DPP10: variants seen among roughly 807,000 people sequenced by gnomAD.
DPP10 encodes inactive dipeptidyl peptidase 10.
A neutral mutation model predicts 120.9 loss-of-function variants in DPP10; 33 were observed. That is an observed-to-expected ratio of 0.27 (90% CI 0.21 to 0.37). The LOEUF is 0.37. Among genes scored for constraint, DPP10 ranks in the 10% least tolerant of loss-of-function variants. DPP10 has a pLI of 1.00. For synonymous variants in DPP10, 337 were observed against 326.1 expected (o/e 1.03, Z -0.36); for missense variants, 816 against 942.8 (o/e 0.87, Z 1.76).
chr2:115,658,487 T>G (rs2088605338), intron 5 of DPP10, among the ~76,000 whole-genome samples: 1 of 152,098 alleles, frequency 6.6e-6, no homozygotes, highest in Admixed American at 6.6e-5. Context: ...CTTGCTATAT[T>G]TTACTCATCA....
intron 5 of DPP10, among the ~76,000 whole-genome samples, chr2:115,585,563 CT>C (rs2082237762): frequency 6.6e-6 from 1 of 152,206 alleles, no homozygotes; most frequent in African/African-American, 2.4e-5. Flanking sequence ...TCTTCCTCCT[CT>C]TTCCCTTCCT....
intron 7 of DPP10, among the ~76,000 whole-genome samples, chr2:115,705,868 T>C (rs528725607): frequency 6.6e-6 from 1 of 151,868 alleles, no homozygotes; most frequent in African/African-American, 2.4e-5. Context: ...GTCTAATGGG[T>C]CTCAAATCAA....
chr2:115,236,197 A>C (rs2057999254), intron 1 of DPP10, among the ~76,000 whole-genome samples: 1 of 152,234 alleles, frequency 6.6e-6, no homozygotes, highest in Non-Finnish European at 1.5e-5. Context: ...AAGAAAACTT[A>C]GAGGTATTAT....
chr2:114,655,162 C>CT (rs1264156115), intron 1 of DPP10, among the ~76,000 whole-genome samples: 1 of 152,116 alleles, frequency 6.6e-6, no homozygotes, highest in Admixed American at 6.5e-5. Flanking sequence ...ATCATAAGCA[C>CT]TTAAATGTTG....
At chr2:114,455,648 T>C (rs1481091357) in intron 1 of DPP10, among the ~76,000 whole-genome samples, 1 of 152,076 alleles carries the variant, frequency 6.6e-6, no homozygotes, top group Non-Finnish European at 1.5e-5. Context: ...TTTGGAGAAG[T>C]TACTTTTTTC....
At chr2:115,380,506 A>C (rs181156588) in intron 3 of DPP10, among the ~76,000 whole-genome samples, 2,378 of 152,236 alleles carry the variant, frequency 0.016, 59 homozygotes, top group African/African-American at 0.054. Context: ...CTCTTTATCC[A>C]GTTTGCCAGT....
At chr2:114,882,755 C>T (rs1558840486) in intron 1 of DPP10, among the ~76,000 whole-genome samples, 1 of 151,826 alleles carries the variant, frequency 6.6e-6, no homozygotes, top group East Asian at 1.9e-4. Flanking sequence ...AATATAAATA[C>T]ATAAATTTAT....
intron 5 of DPP10, among the ~76,000 whole-genome samples, chr2:115,660,655 C>CTTTTTTTTTTTTT: frequency 1.6e-4 from 4 of 25,318 alleles, no homozygotes; most frequent in Non-Finnish European, 3.5e-4. Flanking sequence ...CTCTGTCTGG[C>CTTTTTTTTTTTTT]TTTTTTTTTT....
intron 3 of DPP10, among the ~76,000 whole-genome samples, chr2:115,347,599 A>G (rs2063772819): frequency 6.6e-6 from 1 of 151,976 alleles, no homozygotes; most frequent in Admixed American, 6.6e-5. Context: ...CATCATCTAC[A>G]TTAGGCATTT....
At chr2:115,280,597 T>C (rs2060119372) in intron 1 of DPP10, among the ~76,000 whole-genome samples, 1 of 152,220 alleles carries the variant, frequency 6.6e-6, no homozygotes, top group Admixed American at 6.5e-5. Flanking sequence ...AGATGTCATA[T>C]GTGTTGTTAT....
intron 1 of DPP10, among the ~76,000 whole-genome samples, chr2:115,247,130 T>G (rs1267543120): frequency 6.6e-6 from 1 of 152,130 alleles, no homozygotes; most frequent in South Asian, 2.1e-4. Context: ...GAAGACATTT[T>G]TGTATTTGAA....
At chr2:115,269,950 A>G (rs2059618915) in intron 1 of DPP10, among the ~76,000 whole-genome samples, 1 of 151,974 alleles carries the variant, frequency 6.6e-6, no homozygotes, top group Admixed American at 6.6e-5. Context: ...CCCTGCCCTG[A>G]TGGAGTTCCA....
intron 10 of DPP10, chr2:115,750,102 G>A (rs930113584): frequency 5.8e-5 from 57 of 985,264 alleles, no homozygotes; most frequent in African/African-American, 1.9e-4. Flanking sequence ...GCCACTGGTC[G>A]TGGAACACCA....
At chr2:114,490,203 C>T (rs1471335161) in intron 1 of DPP10, among the ~76,000 whole-genome samples, 1 of 152,046 alleles carries the variant, frequency 6.6e-6, no homozygotes, top group East Asian at 1.9e-4. Context: ...CTCTTGCCCT[C>T]ATGATCTTGT....
chr2:115,319,785 A>G (rs1263282635), intron 2 of DPP10, among the ~76,000 whole-genome samples: 1 of 152,176 alleles, frequency 6.6e-6, no homozygotes, highest in Non-Finnish European at 1.5e-5. Flanking sequence ...GTGTCTGGAG[A>G]GGGCTGCTCT....
intron 19 of DPP10, among the ~76,000 whole-genome samples, chr2:115,810,739 A>G (rs1223851732): frequency 6.6e-6 from 1 of 152,208 alleles, no homozygotes; most frequent in African/African-American, 2.4e-5. Flanking sequence ...GCAACTTTCA[A>G]CAAAGTTGTA....
chr2:115,801,907 G>A (rs1190767120), intron 19 of DPP10, among the ~76,000 whole-genome samples: 1 of 152,084 alleles, frequency 6.6e-6, no homozygotes, highest in Admixed American at 6.5e-5. Context: ...TTTTTGTAGT[G>A]TCTCTGCTCG....
Position 115,739,839 on chromosome 2 carries a change from C to T in DPP10, c.798C>T (p.Ile266=), listed in dbSNP as rs138767719. 1.4e-5 allele frequency: 23 copies of T among 1,613,386 alleles called. No homozygotes were observed. The highest frequency in any genetic ancestry group is 1.8e-5 in the Non-Finnish European group (21 of 1,179,564). The part of the protein sequence containing the change: ...INDSLVPTMV[I]PRFTGALYPK... Reference sequence around the variant, plus strand: ...ACTCTTTGGTACCCACCATGGTTATCCCTCGGTTTACTGGAGCGTTGTATC... The same window carrying T: ...ACTCTTTGGTACCCACCATGGTTATTCCTCGGTTTACTGGAGCGTTGTATC... Residue 266 remains isoleucine (I), a synonymous_variant, in exon 9 of 26, where the codon ATC becomes ATT. Transcript: ENST00000410059.
chr2:115,018,606 C>G (rs1456364012), intron 1 of DPP10, among the ~76,000 whole-genome samples: 1 of 152,080 alleles, frequency 6.6e-6, no homozygotes, highest in East Asian at 1.9e-4. Context: ...CAAACTAACA[C>G]AGGAACAGAA....
Sources: allele counts gnomAD v4.1 joint callset (sites outside exome capture counted in the v4.1 genomes callset), GRCh38; gene constraint gnomAD v4.1.1; transcripts MANE v1.5; gene names NCBI Gene and HGNC (gene_info 2026-07-23, HGNC 2026-07-21).